C3: variants seen among roughly 807,000 people sequenced by gnomAD.
C3 encodes C3 and PZP-like alpha-2-macroglobulin domain-containing protein 1.
C3 carries 97 observed loss-of-function variants against 207.9 expected under a neutral mutation model. The observed-to-expected ratio is 0.47, with a 90% CI of 0.40 to 0.55. The LOEUF is 0.55. Ranked by LOEUF, C3 falls within the 20% of genes least tolerant of loss-of-function variation. The pLI, the probability that C3 is intolerant of heterozygous loss-of-function variation, is 0.00. For synonymous variants in C3, 848 were observed against 857.6 expected, an observed-to-expected ratio of 0.99 and a Z score of 0.20; for missense variants, 1,684 against 2,171.7, an observed-to-expected ratio of 0.78 and a Z score of 4.46.
Position 6,720,568 on chromosome 19 carries a change from T to A in C3, c.22A>T (p.Ser8Cys), listed in dbSNP as rs1412677663. 8.2e-6 allele frequency: 13 copies of A among 1,587,110 alleles called. No individual in the cohort carries two copies. The highest frequency in any genetic ancestry group is 2.7e-5 in the African/African-American group (2 of 74,522). ...TGGGTTAGTAGCAGGAGCAGCAGGC[T>A]GGGACCTGAGGTGGGTCCCATGGTG... MGPTSGP[S>C]LLLLLLTHLP... Residue 8 changes from serine (S) to cysteine (C), a missense_variant, in exon 1 of 41, where the codon AGC becomes TGC. By Grantham distance (112) the Ser-to-Cys change is moderately radical. Coordinates refer to ENST00000245907, the MANE Select transcript of C3 (RefSeq NM_000064.4).
rs1372382994 is a variant in C3, at chr19:6,719,530, C to T, written c.75-127G>A. The T allele has an allele frequency of 1.4e-5, 11 of 809,784 alleles. No individual in the cohort carries two copies. The highest frequency in any genetic ancestry group is 3.4e-5 in the African/African-American group (2 of 59,128). 50.2% of individuals were successfully genotyped at this position (809,784 alleles called of 1,614,324 possible). ...GTCCTGGAGAGGATCCAGTGACTGC[C>T]GGCGCACTTGCCAATGCCATTATCT... is the stretch of plus-strand genomic sequence containing the variant. On this transcript the variant is annotated intron_variant, in intron 1 of 40. Coordinates refer to ENST00000245907, the MANE Select transcript of C3 (RefSeq NM_000064.4). This position sits in a 1 kb window ranked among gnomAD's most constrained non-coding sequence, Gnocchi z 5.4.
intron 9 of C3, 23 bp from the exon 10 acceptor site, chr19:6,712,646 T>C (rs755268034): frequency 1.9e-6 from 3 of 1,597,386 alleles, no homozygotes; most frequent in Admixed American, 3.3e-5. Context: ...GCTGTGAGTG[T>C]AGGCTTCTGG....
rs147883317 is a variant in C3 at position 6,680,235 on chromosome 19, G to C, written c.4379C>G (p.Ala1460Gly). The stretch of plus-strand genomic sequence containing the variant: ...ATTAAAGTATTGGTGAACTTTGAAA[G>C]CTAGACAGTCATCCTCAGAGTGTGA... ...KVSHSEDDCL[A>G]FKVHQYFNVE... Residue 1460 changes from alanine to glycine, a missense_variant, in exon 36 of 41, where the codon GCT becomes GGT. Physicochemically the swap from Ala to Gly is moderately conservative, Grantham distance 60 (BLOSUM62 0). Around this residue, in one of 3 missense-constraint regions of C3, gnomAD observed 346 missense variants for 380.1 expected, o/e 0.91. Coordinates refer to ENST00000245907, the MANE Select transcript of C3 (RefSeq NM_000064.4). The C allele has an allele frequency of 3.0e-5, 49 of 1,611,726 alleles. No individual in the cohort carries two copies. The African/African-American group carries it at 6.4e-4, about 21-fold the overall frequency.
In C3 at chr19:6,680,418, A is replaced by G. The variant is rs146225275; in HGVS notation, c.4351-155T>C. On this transcript the variant is annotated intron_variant, in intron 35 of 40. Coordinates refer to ENST00000245907, the MANE Select transcript of C3 (RefSeq NM_000064.4). ...AGCAAATCCATTTACTTTTCTTCCT[A>G]GACTCACAGTGAGACTACCTTTCTC... Among the ~76,000 whole-genome samples, 949 of 152,338 alleles carry G rather than the reference A, an allele frequency of 6.2e-3. 7 individuals carry two copies. Among genetic ancestry groups the G allele is most frequent in the African/African-American group, 0.022 (896 of 41,572 alleles).
At position 6,685,056 on chromosome 19, in the gene C3, G is replaced by A. The variant is rs1216816157; in HGVS notation, c.3901C>T (p.Pro1301Ser). Reference sequence around the variant, plus strand: ...TGGGTGATCTTGGAGCTGCGGCTGGGCAGTTGGAGGGACACATCAAGGTTC... The same window carrying A: ...TGGGTGATCTTGGAGCTGCGGCTGGACAGTTGGAGGGACACATCAAGGTTC... ...ELNLDVSLQLPSRSSKITHRI... is the reference protein window; with the variant it reads ...ELNLDVSLQLSSRSSKITHRI... The change falls in exon 30 of 41, where the codon CCC becomes TCC. Residue 1301 changes from proline to serine, a missense_variant. Transcript: ENST00000245907. 1.2e-6 allele frequency: 2 copies of A among 1,613,948 alleles called. No homozygotes were observed. The highest frequency in any genetic ancestry group is 1.7e-6 in the Non-Finnish European group (2 of 1,180,008).
At chr19:6,696,508 C>A in intron 22 of C3, 43 bp from the exon 23 acceptor site, 1 of 1,593,670 alleles carries the variant, frequency 6.3e-7, no homozygotes, top group Non-Finnish European at 8.6e-7. Context: ...AGCTCCCTCC[C>A]GCCCTATCCT....
chr19:6,678,305 G>A lies in C3; in HGVS notation c.4715-18C>T, dbSNP rs757470622. 4 of 1,614,202 alleles carry A rather than the reference G, an allele frequency of 2.5e-6. No individual in the cohort carries two copies. Among genetic ancestry groups the A allele is most frequent in the Admixed American group, 3.3e-5 (2 of 60,028 alleles). ...ATCCGAGCCTGGAGTGGAGGGGAGA[G>A]GGAAGAAGCTGAGTCGTGGGGAGGA... On this transcript the variant is annotated intron_variant, in intron 39 of 40. Transcript: ENST00000245907.
chr19:6,704,811 T>C (rs925746759), intron 17 of C3, among the ~76,000 whole-genome samples: 1 of 151,212 alleles, frequency 6.6e-6, no homozygotes. Flanking sequence ...GGCAGGAGAA[T>C]CGCTTGAACC....
chr19:6,718,082 T>A lies in C3; in HGVS notation c.504+12A>T. The stretch of plus-strand genomic sequence containing the variant: ...TGCCCCTGCTTCCCCTGGGGCCCCC[T>A]CTGGCTGGCACCTCAATGTTGACCA... On this transcript the variant is annotated intron_variant, in intron 4 of 40. Coordinates refer to ENST00000245907, the MANE Select transcript of C3 (RefSeq NM_000064.4). 3.1e-6 allele frequency: 5 copies of A among 1,613,954 alleles called. No homozygotes were observed. The highest frequency in any genetic ancestry group is 3.4e-6 in the Non-Finnish European group (4 of 1,179,866).
chr19:6,712,391 G>T lies in C3; in HGVS notation c.1135C>A (p.Pro379Thr). Reference sequence around the variant, plus strand: ...ACTCGGTAGGCTGGAGAGCCATCAGGGTTCGTCACGAACACCTGTGATGTG... The same window carrying T: ...ACTCGGTAGGCTGGAGAGCCATCAGTGTTCGTCACGAACACCTGTGATGTG... ...PFDLMVFVTN[P>T]DGSPAYRVPV... Residue 379 changes from proline (P) to threonine (T), a missense_variant, in exon 11 of 41, where the codon CCT (proline) becomes ACT (threonine). By Grantham distance (38) the Pro-to-Thr change is conservative. Coordinates refer to ENST00000245907, the MANE Select transcript of C3 (RefSeq NM_000064.4). 5.6e-6 allele frequency: 9 copies of T among 1,614,156 alleles called. No individual in the cohort carries two copies. The highest frequency in any genetic ancestry group is 7.6e-6 in the Non-Finnish European group (9 of 1,180,004).
At chr19:6,702,367 G>T in intron 18 of C3, 104 bp downstream of exon 18, 1 of 997,368 alleles carries the variant, frequency 1.0e-6, no homozygotes, top group Non-Finnish European at 1.6e-6. Context: ...AGGTTGGGCT[G>T]TGGGGTTGCA....
intron 4 of C3, among the ~76,000 whole-genome samples, chr19:6,714,785 C>A (rs544575025): frequency 1.1e-4 from 16 of 152,270 alleles, no homozygotes; most frequent in Admixed American, 1.0e-3. Context: ...TCGCTTGAAC[C>A]CGGGAGGCGG....
intron 18 of C3, 35 bp downstream of exon 18, chr19:6,702,436 T>C (rs369135811): frequency 7.3e-7 from 1 of 1,374,212 alleles, no homozygotes; most frequent in Non-Finnish European, 1.0e-6. Flanking sequence ...GGTCTGACTC[T>C]GGGGTGGGTT....
At position 6,718,254 on chromosome 19, in the gene C3, G is replaced by A. The variant is rs979178290; in HGVS notation, c.426C>T (p.Gly142=). 1 of 1,614,226 alleles carries A rather than the reference G, an allele frequency of 6.2e-7. No homozygotes were observed. The change falls in exon 3 of 41, where the codon GGC becomes GGT. Residue 142 remains glycine, a synonymous_variant. Transcript: ENST00000245907. The part of the protein sequence containing the change: ...IQTDKTIYTP[G]STVLYRIFTV... ...AGCCGCCCCCAGCCTCACCTGTGGA[G>A]CCAGGGGTGTAGATGGTCTTGTCTG...
intron 7 of C3, 173 bp from the exon 8 acceptor site, chr19:6,713,682 C>T: frequency 2.1e-6 from 1 of 483,602 alleles, no homozygotes; most frequent in Non-Finnish European, 3.7e-6. Flanking sequence ...CCTTGCCCCA[C>T]TCCCACCCCC....
Position 6,678,419 on chromosome 19 carries a change from T to A in C3, c.4667A>T (p.Asn1556Ile). The change falls in exon 39 of 41, where the codon AAT becomes ATT. Residue 1556 changes from asparagine to isoleucine, a missense_variant. Asn to Ile is a moderately radical substitution (Grantham distance 149, BLOSUM62 -3). This residue lies in a region of C3 where 346 missense variants were observed against 380.1 expected (regional missense o/e 0.91). Transcript: ENST00000245907. ...GGCCATGATGTACTCGTCAAAGTCA[T>A]TGGACAGCTGAACCTTGACCAGTCG... Reference protein sequence around the residue: ...KTRLVKVQLSNDFDEYIMAIE... With the variant: ...KTRLVKVQLSIDFDEYIMAIE... 6.2e-7 allele frequency: 1 copy of A among 1,614,126 alleles called. No individual in the cohort carries two copies. The highest frequency in any genetic ancestry group is 8.5e-7 in the Non-Finnish European group (1 of 1,180,018).
chr19:6,709,611 T>TGGC, intron 14 of C3, 73 bp downstream of exon 14: 28 of 1,109,340 alleles, frequency 2.5e-5, no homozygotes, highest in Non-Finnish European at 3.3e-5. Flanking sequence ...CCCTCTCCAG[T>TGGC]CCCACCCACC....
intron 27 of C3, among the ~76,000 whole-genome samples, chr19:6,689,372 T>TAC: frequency 8.5e-6 from 1 of 118,008 alleles, no homozygotes; most frequent in African/African-American, 3.6e-5. Context: ...TCTCTCTCTC[T>TAC]CTCTCTCTCT....
intron 18 of C3, 108 bp downstream of exon 18, chr19:6,702,363 G>A: frequency 1.0e-6 from 1 of 985,618 alleles, no homozygotes; most frequent in Non-Finnish European, 1.6e-6. Flanking sequence ...TTCTAGGTTG[G>A]GCTGTGGGGT....
Sources: gnomAD v4.1 joint callset for allele counts (sites outside exome capture counted in the v4.1 genomes callset) on GRCh38, gnomAD v4.1.1 for gene constraint, gnomAD v4.1.1 regional missense constraint, Gnocchi (gnomAD v3.1) non-coding constraint, MANE v1.5 for transcripts, NCBI Gene and HGNC (gene_info 2026-07-23, HGNC 2026-07-21) for gene names.